The following RBFOX3 variants were observed in gnomAD, a reference collection of about 807,000 sequenced individuals.
RBFOX3 encodes RNA binding fox-1 homolog 3.
Under a neutral mutation model 48.7 loss-of-function variants are expected in RBFOX3, and 17 were observed. The ratio of observed to expected loss-of-function variants is 0.35; its 90% CI spans 0.24 to 0.52. The LOEUF (loss-of-function observed/expected upper bound fraction) is 0.52, where lower values mean the gene tolerates loss of function less well. Among genes scored for constraint, RBFOX3 ranks in the 20% least tolerant of loss-of-function variants. The probability of loss-of-function intolerance (pLI) is 0.94; values close to 1 mark genes in which losing one functional copy is unlikely to be tolerated. For missense variants in RBFOX3, 382 were observed against 497.5 expected (o/e 0.77, Z 2.21); for synonymous variants, 212 against 209.5 (o/e 1.01, Z -0.10).
chr17:79,317,604 C>T (rs999464712), intron 2 of RBFOX3, among the ~76,000 whole-genome samples: 1 of 152,170 alleles, frequency 6.6e-6, no homozygotes, highest in East Asian at 1.9e-4. Context: ...CTCCCCTGGA[C>T]GTGGTCTCAA....
At chr17:79,622,920 C>T in the RBFOX3 span, among the ~76,000 whole-genome samples, 1 of 152,186 alleles carries the variant, frequency 6.6e-6, no homozygotes, top group East Asian at 1.9e-4. Context: ...CCTCCCCTTC[C>T]CCAGCTGCCA....
At chr17:79,422,940 T>C (rs1555723485) in intron 2 of RBFOX3, among the ~76,000 whole-genome samples, 2 of 152,108 alleles carry the variant, frequency 1.3e-5, no homozygotes, top group African/African-American at 4.8e-5. Flanking sequence ...TCTGTCTGTC[T>C]CTCTCCAGGG....
intron 2 of RBFOX3, among the ~76,000 whole-genome samples, chr17:79,466,324 G>A (rs959889809): frequency 2.0e-5 from 3 of 152,226 alleles, no homozygotes; most frequent in Admixed American, 6.5e-5. Context: ...TGGGGGGCGG[G>A]GGGCGAGCAC....
At chr17:79,178,296 A>C (rs1036098468) in intron 4 of RBFOX3, among the ~76,000 whole-genome samples, 2 of 152,222 alleles carry the variant, frequency 1.3e-5, no homozygotes, top group African/African-American at 4.8e-5. Context: ...GCTGGGTGTC[A>C]GGGTTCAGGG....
At chr17:79,397,493 CA>C (rs201344788) in intron 2 of RBFOX3, among the ~76,000 whole-genome samples, 58 of 119,728 alleles carry the variant, frequency 4.8e-4, no homozygotes, top group African/African-American at 8.2e-4. Context: ...ACTCCATCCC[CA>C]AAAAAAAAAA....
intron 2 of RBFOX3, among the ~76,000 whole-genome samples, chr17:79,446,852 T>C (rs1312210890): frequency 6.6e-6 from 1 of 152,050 alleles, no homozygotes; most frequent in Non-Finnish European, 1.5e-5. Context: ...TGCCACGTCA[T>C]CACAGATGTA....
intron 3 of RBFOX3, among the ~76,000 whole-genome samples, chr17:79,305,240 G>A (rs751826845): frequency 2.6e-5 from 4 of 152,098 alleles, no homozygotes; most frequent in Non-Finnish European, 5.9e-5. Flanking sequence ...AGGGAGAGGT[G>A]GGGGCAGGGG....
At chr17:79,291,870 C>A (rs908828930) in intron 3 of RBFOX3, among the ~76,000 whole-genome samples, 1 of 152,156 alleles carries the variant, frequency 6.6e-6, no homozygotes, top group South Asian at 2.1e-4. Context: ...GAAACTAGGG[C>A]GCCACATGAT....
chr17:79,125,863 G>A (rs941974972), intron 4 of RBFOX3, among the ~76,000 whole-genome samples: 1 of 152,218 alleles, frequency 6.6e-6, no homozygotes, highest in Non-Finnish European at 1.5e-5. Flanking sequence ...GAGGGAGGGG[G>A]AACGCCAGGC....
At chr17:79,611,121 C>CT, upstream of RBFOX3, among the ~76,000 whole-genome samples, 1 of 28,484 alleles carries the variant, frequency 3.5e-5, no homozygotes, top group South Asian at 2.5e-3. Flanking sequence ...CCTCCTCTCT[C>CT]CGCCCTCCTT....
chr17:79,616,365 CT>C, the RBFOX3 span, among the ~76,000 whole-genome samples: 1 of 151,884 alleles, frequency 6.6e-6, no homozygotes, highest in Non-Finnish European at 1.5e-5. Context: ...GCGAAACCCC[CT>C]CTCTACTAAA....
At chr17:79,191,516 A>G (rs2054516400) in intron 4 of RBFOX3, among the ~76,000 whole-genome samples, 1 of 152,236 alleles carries the variant, frequency 6.6e-6, no homozygotes, top group Admixed American at 6.5e-5. Context: ...CCCAAGGCAC[A>G]CAAAGGCCCG....
intron 1 of RBFOX3, among the ~76,000 whole-genome samples, chr17:79,485,718 C>T (rs1231425682): frequency 2.0e-5 from 3 of 152,342 alleles, no homozygotes; most frequent in Non-Finnish European, 4.4e-5. Context: ...GAGACACGAG[C>T]GATCCACAGG....
At chr17:79,458,566 C>A (rs1178386083) in intron 2 of RBFOX3, among the ~76,000 whole-genome samples, 1 of 150,996 alleles carries the variant, frequency 6.6e-6, no homozygotes, top group Non-Finnish European at 1.5e-5. Flanking sequence ...GCTGCATCAG[C>A]ACAAAAGCCT....
chr17:79,168,591 AG>A (rs1246492685), intron 4 of RBFOX3, among the ~76,000 whole-genome samples: 2 of 152,138 alleles, frequency 1.3e-5, no homozygotes, highest in Non-Finnish European at 2.9e-5. Context: ...TGAGGCTCTG[AG>A]GGGAGAGGGG....
chr17:79,441,190 G>A (rs1249598200), intron 2 of RBFOX3, among the ~76,000 whole-genome samples: 2 of 152,252 alleles, frequency 1.3e-5, no homozygotes, highest in African/African-American at 2.4e-5. Context: ...GCCCAGAGAT[G>A]GGTCCAAGCG....
At chr17:79,412,412 ATGTG>A (rs147134553) in intron 2 of RBFOX3, among the ~76,000 whole-genome samples, 5,694 of 150,006 alleles carry the variant, frequency 0.038, 112 homozygotes, top group Middle Eastern at 0.13. Context: ...GTGTGAGTGA[ATGTG>A]TGTGAGGTGT....
intron 1 of RBFOX3, among the ~76,000 whole-genome samples, chr17:79,541,073 A>G (rs948170546): frequency 3.3e-5 from 5 of 152,146 alleles, no homozygotes; most frequent in South Asian, 2.1e-4. Flanking sequence ...ATCTTTGTCA[A>G]TTACGCTCCA....
the RBFOX3 span, among the ~76,000 whole-genome samples, chr17:79,641,966 T>G: frequency 2.0e-5 from 3 of 152,172 alleles, no homozygotes; most frequent in East Asian, 1.9e-4. Flanking sequence ...CAGAAGCAGA[T>G]GCCACCATGC....
Sources: allele counts gnomAD v4.1 joint callset (sites outside exome capture counted in the v4.1 genomes callset), GRCh38; gene constraint gnomAD v4.1.1; transcripts MANE v1.5; gene names NCBI Gene and HGNC (gene_info 2026-07-23, HGNC 2026-07-21).